The following SLAMF9 variants were observed in gnomAD, a reference collection of about 807,000 sequenced individuals.
SLAMF9 encodes the protein CD2 family member 10.
SLAMF9 carries 25 observed loss-of-function variants against 30.4 expected under a neutral mutation model. The observed-to-expected ratio is 0.82, with a 90% CI of 0.60 to 1.15. The LOEUF (loss-of-function observed/expected upper bound fraction) is 1.15. SLAMF9 is among the 50% of genes most tolerant of loss of function. The probability of loss-of-function intolerance (pLI) is 0.00; values close to 1 mark genes in which losing one functional copy is unlikely to be tolerated. For synonymous variants in SLAMF9, 129 were observed against 127.2 expected (o/e 1.01, Z -0.09); for missense variants, 344 against 346.1 (o/e 0.99, Z 0.05).
the SLAMF9 span, among the ~76,000 whole-genome samples, chr1:159,960,076 A>G: frequency 6.6e-6 from 1 of 151,884 alleles, no homozygotes; most frequent in South Asian, 2.1e-4. Flanking sequence ...CAGGTTTGTT[A>G]CATATGTATA....
chr1:159,969,927 G>A, the SLAMF9 span, among the ~76,000 whole-genome samples: 4 of 152,086 alleles, frequency 2.6e-5, no homozygotes, highest in East Asian at 3.9e-4. Context: ...GTGCACTTCT[G>A]TAGTCCCAGC....
chr1:159,976,591 A>C, the SLAMF9 span: 4 of 152,168 alleles, frequency 2.6e-5, no homozygotes, highest in African/African-American at 9.7e-5. Flanking sequence ...TATATGTTTC[A>C]ATTAAAAAGC....
the SLAMF9 span, among the ~76,000 whole-genome samples, chr1:159,965,839 C>A: frequency 3.3e-5 from 5 of 152,136 alleles, no homozygotes; most frequent in Admixed American, 6.5e-5. Flanking sequence ...GCTTAATTAA[C>A]AAATCATAAT....
In SLAMF9 at chr1:159,954,190, TGTGCAGAA is replaced by T; in HGVS notation, c.-61_-54del. The T allele has an allele frequency of 6.2e-7, 1 of 1,607,332 alleles. No homozygotes were observed. Among genetic ancestry groups the T allele is most frequent in the Non-Finnish European group, 8.5e-7 (1 of 1,174,784 alleles). On this transcript the variant is annotated 5_prime_UTR_variant, in exon 1 of 4. An upstream open reading frame in the 5' UTR gains an earlier in-frame stop. Transcript: ENST00000368093. Reference sequence around the variant, plus strand: ...GATTCAGTCAGTCAGTCCCCAGGACTGTGCAGAAGACTGCATTAGGAGGCTCCTAGACA... The same window carrying T: ...GATTCAGTCAGTCAGTCCCCAGGACTGACTGCATTAGGAGGCTCCTAGACA...
At chr1:159,974,160 G>A in the SLAMF9 span, 1 of 867,634 alleles carries the variant, frequency 1.2e-6, no homozygotes, top group Non-Finnish European at 1.9e-6. Context: ...GCTGGGGATG[G>A]AGGCCCTTGG....
Position 159,952,272 on chromosome 1 carries a change from G to A in SLAMF9, c.654C>T (p.Pro218=), listed in dbSNP as rs776718969. The change falls in exon 3 of 4, where the codon CCC becomes CCT. Residue 218 remains proline, a synonymous_variant. Coordinates refer to ENST00000368093, the MANE Select transcript of SLAMF9 (RefSeq NM_033438.4). ...NVSSCPIPDG[P]FYADPNYASE... Reference sequence around the variant, plus strand: ...CAGGGGTTCTGGTACCTGCATAGAAGGGCCCATCAGGGATGGGGCAAGAAC... The same window carrying A: ...CAGGGGTTCTGGTACCTGCATAGAAAGGCCCATCAGGGATGGGGCAAGAAC... 6 of 1,614,012 alleles carry A rather than the reference G, an allele frequency of 3.7e-6. No homozygotes were observed. Among genetic ancestry groups the A allele is most frequent in the Non-Finnish European group, 5.1e-6 (6 of 1,179,974 alleles).
chr1:159,955,556 T>C (rs1037265606), upstream of SLAMF9, among the ~76,000 whole-genome samples: 2 of 152,248 alleles, frequency 1.3e-5, no homozygotes, highest in African/African-American at 4.8e-5. Context: ...TAAATGTTTA[T>C]TGAGTAGCTT....
chr1:159,971,582 G>A, the SLAMF9 span, among the ~76,000 whole-genome samples: 2 of 152,130 alleles, frequency 1.3e-5, no homozygotes, highest in Non-Finnish European at 2.9e-5. Flanking sequence ...GTGCCACCCA[G>A]CTCTTAGTGA....
At chr1:159,958,660 T>C (rs1651980826), upstream of SLAMF9, among the ~76,000 whole-genome samples, 2 of 152,094 alleles carry the variant, frequency 1.3e-5, no homozygotes, top group African/African-American at 4.8e-5. Flanking sequence ...AGATGGGATG[T>C]GGCTATGTTG....
the SLAMF9 span, among the ~76,000 whole-genome samples, chr1:159,969,041 C>CA: frequency 0.64 from 96,600 of 151,046 alleles, 34,144 homozygotes; most frequent in East Asian, 0.97. Flanking sequence ...GACTCCATCT[C>CA]AAAAAAAAGA....
At chr1:159,952,579 C>T (rs2840583) in intron 2 of SLAMF9, 45 bp from the exon 3 acceptor site, 1,450,811 of 1,596,362 alleles carry the variant, frequency 0.91, 660,679 homozygotes, top group East Asian at 1. Context: ...AATCAGGGAT[C>T]GGGTCTGTTT....
At chr1:159,969,271 A>C in the SLAMF9 span, among the ~76,000 whole-genome samples, 1 of 136,082 alleles carries the variant, frequency 7.3e-6, no homozygotes. Context: ...GGGGGGATGG[A>C]TAAGGGGGGA....
chr1:159,961,699 T>C, the SLAMF9 span, among the ~76,000 whole-genome samples: 1 of 152,050 alleles, frequency 6.6e-6, no homozygotes, highest in Non-Finnish European at 1.5e-5. Flanking sequence ...TGCAGGATCC[T>C]TGGGGTGGGG....
chr1:159,962,399 T>C, the SLAMF9 span, among the ~76,000 whole-genome samples: 4 of 152,080 alleles, frequency 2.6e-5, no homozygotes, highest in Non-Finnish European at 5.9e-5. Context: ...TCCCAGCACT[T>C]TGGGAGGCCG....
rs780599187 is a variant in SLAMF9, at chr1:159,953,659, C to T, written c.47-6G>A. On this transcript the variant is annotated splice_polypyrimidine_tract_variant and splice_region_variant and intron_variant, in intron 1 of 3. Transcript: ENST00000368093. ...CCAGAGTCTCCTTTGGCTGCCTATG[C>T]AGGAAGAAAAGAGAAGCAAACAACC... 6 of 1,586,014 alleles carry T rather than the reference C, an allele frequency of 3.8e-6. No individual in the cohort carries two copies. Among genetic ancestry groups the T allele is most frequent in the Non-Finnish European group, 5.2e-6 (6 of 1,162,998 alleles).
At position 159,951,756 on chromosome 1, in the gene SLAMF9, C is replaced by T. The variant is rs1459243704; in HGVS notation, c.775G>A (p.Val259Ile). The T allele has an allele frequency of 1.2e-6, 2 of 1,614,138 alleles. No homozygotes were observed. Among genetic ancestry groups the T allele is most frequent in the East Asian group, 4.5e-5 (2 of 44,884 alleles). Residue 259 changes from valine to isoleucine, a missense_variant, in exon 4 of 4, where the codon GTC (valine) becomes ATC (isoleucine). Coordinates refer to ENST00000368093, the MANE Select transcript of SLAMF9 (RefSeq NM_033438.4). ...CTTGGCATTTTGTGTCTTTTCTGGA[C>T]TCGGATGACCCAGAGTCCCATGGCC... ...ILAMGLWVIR[V>I]QKRHKMPRMK...
At chr1:159,957,140 CAAAAA>C (rs143801500), upstream of SLAMF9, among the ~76,000 whole-genome samples, 1 of 104,780 alleles carries the variant, frequency 9.5e-6, no homozygotes, top group African/African-American at 3.7e-5. Flanking sequence ...AAAAAAAAGA[CAAAAA>C]AAAAAAAAAG....
the SLAMF9 span, among the ~76,000 whole-genome samples, chr1:159,970,322 C>G: frequency 2.0e-5 from 3 of 152,256 alleles, no homozygotes; most frequent in East Asian, 5.8e-4. Context: ...AATCAATGAC[C>G]GTGGCCTGTG....
chr1:159,953,151 A>C (rs1651817734), intron 2 of SLAMF9, among the ~76,000 whole-genome samples, 158 bp downstream of exon 2: 1 of 152,124 alleles, frequency 6.6e-6, no homozygotes, highest in African/African-American at 2.4e-5. Context: ...CAACAGGTGG[A>C]TTGGGCACAC....
Sources: gnomAD v4.1 joint callset for allele counts (sites outside exome capture counted in the v4.1 genomes callset) on GRCh38, gnomAD v4.1.1 for gene constraint, MANE v1.5 for transcripts, NCBI Gene and HGNC (gene_info 2026-07-23, HGNC 2026-07-21) for gene names.